CACNB2: variants seen among roughly 807,000 people sequenced by gnomAD.
The protein encoded by CACNB2 is calcium voltage-gated channel auxiliary subunit beta 2, also known as voltage-dependent L-type calcium channel subunit beta-2.
Under a neutral mutation model 73.3 loss-of-function variants are expected in CACNB2, and 42 were observed. That is an observed-to-expected ratio of 0.57 (90% CI 0.45 to 0.74). The LOEUF is 0.74. Ranked by LOEUF, CACNB2 falls within the 30% of genes least tolerant of loss-of-function variation. The probability of loss-of-function intolerance (pLI) is 0.00; values close to 1 mark genes in which losing one functional copy is unlikely to be tolerated. For missense variants in CACNB2, 940 were observed against 853.0 expected, an observed-to-expected ratio of 1.10 and a Z score of -1.27; for synonymous variants, 348 against 310.3, an observed-to-expected ratio of 1.12 and a Z score of -1.28.
At chr10:18,354,917 A>G (rs893036507) in intron 2 of CACNB2, among the ~76,000 whole-genome samples, 1 of 128,096 alleles carries the variant, frequency 7.8e-6, no homozygotes, top group African/African-American at 3.0e-5. Context: ...TCCGAAATCC[A>G]AAACTTTTTG....
intron 7 of CACNB2, chr10:18,514,970 A>C (rs549525106): frequency 1.2e-6 from 2 of 1,607,720 alleles, no homozygotes; most frequent in South Asian, 2.2e-5. Context: ...TTAAACTTCT[A>C]ATCCACTAGG....
intron 2 of CACNB2, among the ~76,000 whole-genome samples, chr10:18,219,027 T>C (rs1350116300): frequency 6.6e-6 from 1 of 152,094 alleles, no homozygotes; most frequent in African/African-American, 2.4e-5. Context: ...TAGCCAGGTG[T>C]AATGGTGTGC....
intron 9 of CACNB2, among the ~76,000 whole-genome samples, chr10:18,525,388 G>A (rs115288497): frequency 0.012 from 1,803 of 152,114 alleles, 33 homozygotes; most frequent in African/African-American, 0.042. Flanking sequence ...AAACCTTTCT[G>A]TTTAATTGCT....
At chr10:18,536,668 C>T (rs1465848596) in intron 12 of CACNB2, among the ~76,000 whole-genome samples, 5 of 152,182 alleles carry the variant, frequency 3.3e-5, no homozygotes, top group African/African-American at 9.6e-5. Flanking sequence ...CTCCCTCCTT[C>T]CATGATCATG....
chr10:18,319,443 C>T (rs1160752569), intron 2 of CACNB2, among the ~76,000 whole-genome samples: 1 of 151,728 alleles, frequency 6.6e-6, no homozygotes, highest in Non-Finnish European at 1.5e-5. Context: ...ACCAGGGCCT[C>T]TCAGGGGGTG....
At chr10:18,378,670 C>A (rs2031570) in intron 2 of CACNB2, among the ~76,000 whole-genome samples, 1 of 151,878 alleles carries the variant, frequency 6.6e-6, no homozygotes, top group East Asian at 1.9e-4. Context: ...AGGATCGGTT[C>A]AGCCCAGAAG....
Position 18,539,758 on chromosome 10 carries a change from T to C in CACNB2, c.*34T>C, listed in dbSNP as rs755062155. 6.6e-7 allele frequency: 1 copy of C among 1,505,482 alleles called. No homozygotes were observed. Among genetic ancestry groups the C allele is most frequent in the Non-Finnish European group, 9.0e-7 (1 of 1,111,632 alleles). The allele number at this position is 1,505,482 out of a possible 1,614,324, so 93.3% of individuals were successfully genotyped here. A position where few individuals can be genotyped will look rare whatever the true frequency, so the allele number is the denominator to read the frequency against. ...CGTTTGTGTTTTTTTTTTTTTTTTT[T>C]TGAAGTCTTGTATAACTAACAGCAT... On this transcript the variant is annotated 3_prime_UTR_variant, in exon 14 of 14. Transcript: ENST00000324631.
At chr10:18,534,453 G>A (rs2053363882) in intron 11 of CACNB2, among the ~76,000 whole-genome samples, 1 of 152,030 alleles carries the variant, frequency 6.6e-6, no homozygotes, top group Admixed American at 6.6e-5. Context: ...ACTTTTAGAG[G>A]GTCCATTTAG....
chr10:18,402,172 AC>A, intron 3 of CACNB2, 129 bp downstream of exon 3: 1 of 1,050,194 alleles, frequency 9.5e-7, no homozygotes, highest in Non-Finnish European at 1.4e-6. Context: ...TTAGAAAGGT[AC>A]AAAAAATGGA....
chr10:18,202,137 A>G (rs1043495410), intron 2 of CACNB2, among the ~76,000 whole-genome samples: 1 of 152,186 alleles, frequency 6.6e-6, no homozygotes, highest in African/African-American at 2.4e-5. Flanking sequence ...TTGGACCCTT[A>G]AAATGGAATT....
At chr10:18,185,869 G>C (rs1023732509) in intron 2 of CACNB2, among the ~76,000 whole-genome samples, 2 of 152,148 alleles carry the variant, frequency 1.3e-5, no homozygotes, top group African/African-American at 4.8e-5. Flanking sequence ...TTGTCATGGA[G>C]ATGACATGCT....
In CACNB2 at chr10:18,168,948, A is replaced by G. The variant is rs191088020; in HGVS notation, c.213+17973A>G. ...CTACTTGATCTTGGAACTTTTTAATACAGTCTAACAGCCAAGAAATTTTTA... is the reference window on the plus strand; with the variant it reads ...CTACTTGATCTTGGAACTTTTTAATGCAGTCTAACAGCCAAGAAATTTTTA... On this transcript the variant is annotated intron_variant, in intron 2 of 13. Coordinates refer to ENST00000324631, the MANE Select transcript of CACNB2 (RefSeq NM_201596.3). Among the ~76,000 whole-genome samples, 15 of 152,322 alleles carry G rather than the reference A, an allele frequency of 9.8e-5. No homozygotes were observed. In the East Asian group the frequency reaches 2.9e-3, roughly 29 times the overall value.
Position 18,185,236 on chromosome 10 carries a change from A to G in CACNB2, c.213+34261A>G, listed in dbSNP as rs140277336. Among the ~76,000 whole-genome samples, 1,005 of 152,338 alleles carry G rather than the reference A, an allele frequency of 6.6e-3. 3 individuals carry two copies. Among genetic ancestry groups the G allele is most frequent in the Middle Eastern group, 0.031 (9 of 294 alleles). ...AGTACTTTTTAAAAATTGAGATATC[A>G]TTCATAAACCTTAAAATTCACCTTT... On this transcript the variant is annotated intron_variant, in intron 2 of 13. Coordinates refer to ENST00000324631, the MANE Select transcript of CACNB2 (RefSeq NM_201596.3).
At chr10:18,489,844 G>T (rs981528368) in intron 3 of CACNB2, among the ~76,000 whole-genome samples, 1 of 152,096 alleles carries the variant, frequency 6.6e-6, no homozygotes, top group South Asian at 2.1e-4. Context: ...AAACATACTG[G>T]AGACACAGTG....
intron 2 of CACNB2, among the ~76,000 whole-genome samples, chr10:18,214,727 T>C (rs2035446088): frequency 6.6e-6 from 1 of 152,062 alleles, no homozygotes; most frequent in Non-Finnish European, 1.5e-5. Context: ...AACAGATTTG[T>C]AACTCCTTTA....
intron 2 of CACNB2, among the ~76,000 whole-genome samples, chr10:18,225,256 AG>A (rs1422709576): frequency 3.3e-5 from 5 of 151,594 alleles, no homozygotes; most frequent in Non-Finnish European, 7.4e-5. Flanking sequence ...GGGATGGGGG[AG>A]GGTAAAGCCT....
chr10:18,147,174 T>G (rs2131011065), intron 1 of CACNB2, among the ~76,000 whole-genome samples: 1 of 152,352 alleles, frequency 6.6e-6, no homozygotes, highest in African/African-American at 2.4e-5. Flanking sequence ...TTTGCTGATT[T>G]TTAAGACTGG....
chr10:18,519,601 C>A (rs1026908594), intron 9 of CACNB2: 1 of 420,992 alleles, frequency 2.4e-6, no homozygotes, highest in African/African-American at 2.0e-5. Flanking sequence ...TTTGCTCTCT[C>A]CTCATGAGTA....
chr10:18,163,080 G>A (rs1441702350), intron 2 of CACNB2, among the ~76,000 whole-genome samples: 1 of 152,108 alleles, frequency 6.6e-6, no homozygotes, highest in Non-Finnish European at 1.5e-5. Flanking sequence ...GGGATGAAAG[G>A]CTTACAGCAT....
Sources: allele counts gnomAD v4.1 joint callset (sites outside exome capture counted in the v4.1 genomes callset), GRCh38; gene constraint gnomAD v4.1.1; transcripts MANE v1.5; gene names NCBI Gene and HGNC (gene_info 2026-07-23, HGNC 2026-07-21).